Variants in FCHSD1 observed in about 807,000 individuals in gnomAD.
FCHSD1 encodes the protein FCH and double SH3 domains 1.
In FCHSD1, 109 loss-of-function variants were observed where a neutral mutation model predicts 101.3. The ratio of observed to expected loss-of-function variants is 1.08; its 90% confidence interval spans 0.92 to 1.26. The LOEUF is 1.26. Ranked by LOEUF, FCHSD1 falls within the 50% of genes most tolerant of loss-of-function variation. The probability of loss-of-function intolerance (pLI) is 0.00; values close to 1 mark genes in which losing one functional copy is unlikely to be tolerated. For synonymous variants in FCHSD1, 291 were observed against 356.8 expected (o/e 0.82, Z 2.08); for missense variants, 820 against 895.8 (o/e 0.92, Z 1.08).
intron 1 of FCHSD1, 72 bp from the exon 2 acceptor site, chr5:141,651,189 G>A: frequency 8.0e-6 from 12 of 1,504,752 alleles, no homozygotes; most frequent in Non-Finnish European, 9.1e-6. Flanking sequence ...GGAGCGGTGA[G>A]GGGGCGGGGC....
Position 141,645,810 on chromosome 5 carries a change from G to A in FCHSD1, c.1272C>T (p.Leu424=). Residue 424 remains leucine, a synonymous_variant, in exon 13 of 20, where the codon CTC becomes CTT. Coordinates refer to ENST00000435817, the MANE Select transcript of FCHSD1 (RefSeq NM_033449.3). ...AQDEVEQERR[L]SEARLSQRDL... The stretch of plus-strand genomic sequence containing the variant: ...CCCTCTGGGACAGCCGAGCCTCACT[G>A]AGCCGCCGCTCCTGCTCCACCTCAT... 6.2e-7 allele frequency: 1 copy of A among 1,610,046 alleles called. No homozygotes were observed. Among genetic ancestry groups the A allele is most frequent in the African/African-American group, 1.3e-5 (1 of 75,028 alleles).
chr5:141,639,305 C>T lies in FCHSD1; in HGVS notation c.*2193G>A. On this transcript the variant is annotated 3_prime_UTR_variant, in exon 20 of 20. Transcript: ENST00000435817. The surrounding 1 kb of genome is among the most constrained non-coding windows in gnomAD (Gnocchi z 4.4). Reference sequence around the variant, plus strand: ...GGGAGGAAGAACATATGGTCACTAACATCTTAATATTGAGTTTATTAGATA... The same window carrying T: ...GGGAGGAAGAACATATGGTCACTAATATCTTAATATTGAGTTTATTAGATA... The T allele has an allele frequency of 3.1e-6, 2 of 637,604 alleles. No homozygotes were observed. The highest frequency in any genetic ancestry group is 2.7e-5 in the East Asian group (1 of 36,406). The allele number at this position is 637,604 out of a possible 1,614,324, so 39.5% of individuals were successfully genotyped here.
At chr5:141,642,205 T>C in intron 18 of FCHSD1, 1 of 533,944 alleles carries the variant, frequency 1.9e-6, no homozygotes, top group Non-Finnish European at 3.3e-6. Flanking sequence ...TGCAGCAACA[T>C]GAATGGAGTT....
chr5:141,651,136 G>A lies in FCHSD1; in HGVS notation c.22-19C>T. The stretch of plus-strand genomic sequence containing the variant: ...GCTTCACCTGTGGGGGCAAAGAGAG[G>A]ATGAAGACCCCAGCGCAAGGACCTA... On this transcript the variant is annotated intron_variant, in intron 1 of 19. Coordinates refer to ENST00000435817, the MANE Select transcript of FCHSD1 (RefSeq NM_033449.3). 1 of 1,568,724 alleles carries A rather than the reference G, an allele frequency of 6.4e-7. No individual in the cohort carries two copies. The highest frequency in any genetic ancestry group is 8.7e-7 in the Non-Finnish European group (1 of 1,155,582).
intron 17 of FCHSD1, 76 bp from the exon 18 acceptor site, chr5:141,643,164 C>T: frequency 8.4e-7 from 1 of 1,185,410 alleles, no homozygotes; most frequent in Non-Finnish European, 1.1e-6. Context: ...ATCCCATCTC[C>T]AGTTCCTTCC....
rs1562386788 is a variant in FCHSD1 at position 141,644,636 on chromosome 5, G to A, written c.1579C>T (p.Pro527Ser). 4 of 1,613,972 alleles carry A rather than the reference G, an allele frequency of 2.5e-6. No homozygotes were observed. Among genetic ancestry groups the A allele is most frequent in the Middle Eastern group, 3.3e-4 (2 of 6,062 alleles). ...CTGCTCTCTGGGAGGGAGAGGTCCG[G>A]GAAGTTGAGATATCGCTCAGGGACA... The part of the protein sequence containing the change: ...GFVPERYLNF[P>S]DLSLPESSQD... The change falls in exon 16 of 20, where the codon CCG becomes TCG. Residue 527 changes from proline (P) to serine (S), a missense_variant. Pro to Ser is a moderately conservative substitution (Grantham distance 74). Coordinates refer to ENST00000435817, the MANE Select transcript of FCHSD1 (RefSeq NM_033449.3).
Position 141,650,054 on chromosome 5 carries a change from A to T in FCHSD1, c.166-100T>A. On this transcript the variant is annotated intron_variant, in intron 3 of 19. Coordinates refer to ENST00000435817, the MANE Select transcript of FCHSD1 (RefSeq NM_033449.3). ...TATAATCATACCATTCTTTGGGTAC[A>T]TTATGTGCCACTTGCTTTGCTAAAT... The T allele has an allele frequency of 8.0e-6, 10 of 1,254,494 alleles. No homozygotes were observed. In the South Asian group the frequency reaches 1.4e-4, roughly 17 times the overall value. 77.7% of individuals were successfully genotyped at this position (1,254,494 alleles called of 1,614,324 possible). A position where few individuals can be genotyped will look rare whatever the true frequency, so the allele number is the denominator to read the frequency against.
chr5:141,642,351 G>T, intron 18 of FCHSD1: 1 of 668,176 alleles, frequency 1.5e-6, no homozygotes, highest in Admixed American at 2.4e-5. Context: ...GACTCCAAAG[G>T]GGGCAAAGGT....
chr5:141,646,281 A>G, intron 11 of FCHSD1, 90 bp from the exon 12 acceptor site: 1 of 1,188,548 alleles, frequency 8.4e-7, no homozygotes, highest in Non-Finnish European at 1.2e-6. Context: ...TGCATCACAT[A>G]CATTATGTCA....
chr5:141,651,129 AAG>A lies in FCHSD1; in HGVS notation c.22-14_22-13del, dbSNP rs1286446604. 6.3e-7 allele frequency: 1 copy of A among 1,574,858 alleles called. No individual in the cohort carries two copies. Among genetic ancestry groups the A allele is most frequent in the Non-Finnish European group, 8.6e-7 (1 of 1,159,248 alleles). On this transcript the variant is annotated splice_polypyrimidine_tract_variant and intron_variant, in intron 1 of 19. Transcript: ENST00000435817. ...TGGGCCGGCTTCACCTGTGGGGGCA[AAG>A]AGAGGATGAAGACCCCAGCGCAAGG...
chr5:141,641,829 A>G, intron 18 of FCHSD1, 72 bp from the exon 19 acceptor site: 1 of 1,449,054 alleles, frequency 6.9e-7, no homozygotes, highest in South Asian at 1.2e-5. Flanking sequence ...CACTTAGGAC[A>G]GTGGCATTCT....
At position 141,644,295 on chromosome 5, in the gene FCHSD1, C is replaced by T; in HGVS notation, c.1786G>A (p.Val596Ile). The change falls in exon 17 of 20, where the codon GTT (valine) becomes ATT (isoleucine). Residue 596 changes from valine (V) to isoleucine (I), a missense_variant. Physicochemically the swap from Val to Ile is conservative, Grantham distance 29 (BLOSUM62 3). Transcript: ENST00000435817. ...GFWRGEFGGR[V>I]GVFPSLLVEE... ...ACCAGCAGGGAGGGGAAGACCCCAA[C>T]ACGGCCCCCAAATTCTCCCCTCCAG... 1 of 1,613,820 alleles carries T rather than the reference C, an allele frequency of 6.2e-7. No individual in the cohort carries two copies. The highest frequency in any genetic ancestry group is 8.5e-7 in the Non-Finnish European group (1 of 1,179,810).
rs1232956775 is a variant in FCHSD1, at chr5:141,644,866, C to T, written c.1517G>A (p.Trp506Ter). The T allele has an allele frequency of 2.5e-6, 4 of 1,613,694 alleles. No homozygotes were observed. Among genetic ancestry groups the T allele is most frequent in the Non-Finnish European group, 3.4e-6 (4 of 1,179,826 alleles). Residue 506 changes from tryptophan (W) to a stop codon, truncating the protein, a stop_gained, in exon 15 of 20, where the codon TGG becomes TAG. Transcript: ENST00000435817. LOFTEE classifies it high-confidence loss of function. ...CCGGGGTCCCATACCCACCTTGACC[C>T]ATTCGTCAGCATCTCCCTCCTCTAT... ...EVIEEGDADE[W>*]VKARNQHGEV... is the part of the protein sequence containing the mutation.
rs948845973 is a variant in FCHSD1 at position 141,640,984 on chromosome 5, C to T, written c.*514G>A. Reference sequence around the variant, plus strand: ...AAGCAATAGCACCGTAGGCCCCCTGCCCTCTTAGCACAAGAGGCCCAGGCC... The same window carrying T: ...AAGCAATAGCACCGTAGGCCCCCTGTCCTCTTAGCACAAGAGGCCCAGGCC... On this transcript the variant is annotated 3_prime_UTR_variant, in exon 20 of 20. Transcript: ENST00000435817. 2.2e-6 allele frequency: 1 copy of T among 450,372 alleles called. No individual in the cohort carries two copies. The allele number at this position is 450,372 out of a possible 1,614,324, so 27.9% of individuals were successfully genotyped here.
chr5:141,641,436 G>A lies in FCHSD1; in HGVS notation c.*62C>T. On this transcript the variant is annotated 3_prime_UTR_variant, in exon 20 of 20. Transcript: ENST00000435817. ...TGTGTTGCTCTGGATCATTGATGGTGTGGTCTGACAGCTTGAAGATAGGGA... is the reference window on the plus strand; with the variant it reads ...TGTGTTGCTCTGGATCATTGATGGTATGGTCTGACAGCTTGAAGATAGGGA... 7.4e-7 allele frequency: 1 copy of A among 1,356,104 alleles called. No homozygotes were observed. Among genetic ancestry groups the A allele is most frequent in the Non-Finnish European group, 9.8e-7 (1 of 1,024,300 alleles). The allele number at this position is 1,356,104 out of a possible 1,614,324, so 84.0% of individuals were successfully genotyped here. A position where few individuals can be genotyped will look rare whatever the true frequency, so the allele number is the denominator to read the frequency against.
chr5:141,643,037 C>A lies in FCHSD1; in HGVS notation c.1915G>T (p.Val639Leu), dbSNP rs1233203653. The change falls in exon 18 of 20, where the codon GTG becomes TTG. Residue 639 changes from valine to leucine, a missense_variant. Val to Leu is a conservative substitution (Grantham distance 32). Coordinates refer to ENST00000435817, the MANE Select transcript of FCHSD1 (RefSeq NM_033449.3). ...ACAGGTGCAGGGGGCCCATCCAACA[C>A]AGAGGTAGGTGCAGGTGGGGAGAAG... ...PSFSPPAPTSVLDGPPAPVLP... is the reference protein window; with the variant it reads ...PSFSPPAPTSLLDGPPAPVLP... 2 of 1,560,858 alleles carry A rather than the reference C, an allele frequency of 1.3e-6. No individual in the cohort carries two copies. Among genetic ancestry groups the A allele is most frequent in the Non-Finnish European group, 1.7e-6 (2 of 1,154,546 alleles).
Position 141,649,822 on chromosome 5 carries a change from G to GCA in FCHSD1, c.233+64_233+65insTG. On this transcript the variant is annotated intron_variant, in intron 4 of 19. Transcript: ENST00000435817. The surrounding 1 kb of genome is among the most constrained non-coding windows in gnomAD (Gnocchi z 4.1). ...ACTTGCTAGGCCTTCATCCCCACAG[G>GCA]TTCCTGGGGCTGAGCTCCCCATCAC... The GCA allele has an allele frequency of 6.6e-7, 1 of 1,510,198 alleles. No homozygotes were observed. The highest frequency in any genetic ancestry group is 8.9e-7 in the Non-Finnish European group (1 of 1,125,962). 93.5% of individuals were successfully genotyped at this position (1,510,198 alleles called of 1,614,324 possible).
rs555325168 is a variant in FCHSD1 at position 141,647,910 on chromosome 5, G to C, written c.705+58C>G. On this transcript the variant is annotated intron_variant, in intron 8 of 19. Transcript: ENST00000435817. ...CACTGTCATGGGGATCAAGAAGCAGGGGGAGGTCCTCCTTTCCCTCCCTGC... is the reference window on the plus strand; with the variant it reads ...CACTGTCATGGGGATCAAGAAGCAGCGGGAGGTCCTCCTTTCCCTCCCTGC... 279 of 1,586,268 alleles carry C rather than the reference G, an allele frequency of 1.8e-4. 5 individuals carry two copies. The South Asian group carries it at 2.9e-3, about 17-fold the overall frequency.
Position 141,646,069 on chromosome 5 carries a change from C to A in FCHSD1, c.1149+18G>T. 2 of 1,601,074 alleles carry A rather than the reference C, an allele frequency of 1.2e-6. No individual in the cohort carries two copies. Among genetic ancestry groups the A allele is most frequent in the Non-Finnish European group, 1.7e-6 (2 of 1,173,626 alleles). On this transcript the variant is annotated intron_variant, in intron 12 of 19. Coordinates refer to ENST00000435817, the MANE Select transcript of FCHSD1 (RefSeq NM_033449.3). The stretch of plus-strand genomic sequence containing the variant: ...TGCCTGAGAAGGTGGGATCTCTAAC[C>A]TCAGGGGTGTGCCTCACCTGTGCCC...
Sources: allele counts gnomAD v4.1 joint callset, GRCh38; gene constraint gnomAD v4.1.1; non-coding constraint Gnocchi (gnomAD v3.1); transcripts MANE v1.5; gene names NCBI Gene and HGNC (gene_info 2026-07-23, HGNC 2026-07-21).